The following BRDT variants were observed in gnomAD, a reference collection of about 807,000 sequenced individuals.
BRDT encodes the protein bromodomain testis associated, also known as bromodomain testis-specific protein.
BRDT carries 77 observed loss-of-function variants against 113.9 expected under a neutral mutation model. The observed-to-expected ratio is 0.68, with a 90% CI of 0.56 to 0.82. The LOEUF (loss-of-function observed/expected upper bound fraction) is 0.82, where lower values mean the gene tolerates loss of function less well. Among genes scored for constraint, BRDT ranks in the 40% least tolerant of loss-of-function variants. BRDT has a pLI of 0.00. For synonymous variants in BRDT, 358 were observed against 366.5 expected (o/e 0.98, Z 0.26); for missense variants, 1,027 against 1,105.4 (o/e 0.93, Z 1.01).
intron 14 of BRDT, among the ~76,000 whole-genome samples, 195 bp from the exon 15 acceptor site, chr1:91,993,888 T>G (rs1047501836): frequency 3.3e-5 from 5 of 152,242 alleles, no homozygotes; most frequent in Non-Finnish European, 1.5e-5. Context: ...GCCAAGTTAT[T>G]TAATGCTTTT....
intron 1 of BRDT, among the ~76,000 whole-genome samples, chr1:91,951,547 A>G (rs1466226640): frequency 2.0e-5 from 3 of 152,102 alleles, no homozygotes; most frequent in Admixed American, 1.3e-4. Context: ...CTGTAATCCC[A>G]GCACTTTGGG....
At chr1:91,986,907 A>G (rs1364960137) in intron 12 of BRDT, among the ~76,000 whole-genome samples, 1 of 151,420 alleles carries the variant, frequency 6.6e-6, no homozygotes, top group East Asian at 1.9e-4. Context: ...GTACATGACT[A>G]GAGTTTATTA....
chr1:92,013,216 T>TC (rs1553199805), intron 18 of BRDT, among the ~76,000 whole-genome samples: 4 of 46,342 alleles, frequency 8.6e-5, no homozygotes, highest in Admixed American at 5.1e-4. Context: ...ACACAATGTT[T>TC]CAAAAAAAAA....
At chr1:92,012,458 A>G (rs977647239) in intron 18 of BRDT, among the ~76,000 whole-genome samples, 3 of 152,228 alleles carry the variant, frequency 2.0e-5, no homozygotes, top group Non-Finnish European at 4.4e-5. Context: ...GTTTCATTAC[A>G]TATTCTACAA....
At chr1:92,007,498 C>T (rs1171408281) in intron 18 of BRDT, among the ~76,000 whole-genome samples, 2 of 152,200 alleles carry the variant, frequency 1.3e-5, no homozygotes, top group African/African-American at 4.8e-5. Context: ...ATTTGATTTT[C>T]TGTTCCTGCA....
intron 12 of BRDT, among the ~76,000 whole-genome samples, chr1:91,984,946 A>G (rs1685072200): frequency 1.3e-5 from 2 of 151,572 alleles, no homozygotes; most frequent in African/African-American, 4.8e-5. Context: ...GCCCATAAAT[A>G]TGATTTTTAT....
intron 15 of BRDT, among the ~76,000 whole-genome samples, chr1:91,999,269 G>T (rs1322306551): frequency 1.3e-5 from 2 of 152,138 alleles, no homozygotes; most frequent in South Asian, 4.1e-4. Flanking sequence ...CAGGATACTG[G>T]CTGGATACTG....
intron 8 of BRDT, among the ~76,000 whole-genome samples, chr1:91,980,174 A>G (rs1684577557): frequency 6.6e-6 from 1 of 152,150 alleles, no homozygotes; most frequent in South Asian, 2.1e-4. Context: ...TGGGAGTCCA[A>G]GGTGGGAGGA....
In BRDT at chr1:91,974,585, T is replaced by C. The variant is rs1236566543; in HGVS notation, c.446-1681T>C. Among the ~76,000 whole-genome samples the C allele has an allele frequency of 4.6e-5, 7 of 152,110 alleles. No homozygotes were observed. In the East Asian group the frequency reaches 1.2e-3, roughly 25 times the overall value. ...TCCAAATCAAAACCACAATGAGATA[T>C]CATCTCACACCAGTTAGAATGGCGA... On this transcript the variant is annotated intron_variant, in intron 4 of 18. Transcript: ENST00000399546.
intron 16 of BRDT, among the ~76,000 whole-genome samples, chr1:92,002,841 T>C (rs79225942): frequency 1.3e-5 from 2 of 152,322 alleles, no homozygotes; most frequent in South Asian, 2.1e-4. Flanking sequence ...TATACTGATA[T>C]CATTCTTTCA....
intron 12 of BRDT, among the ~76,000 whole-genome samples, chr1:91,982,824 T>G (rs1275339427): frequency 6.6e-6 from 1 of 152,238 alleles, no homozygotes; most frequent in Non-Finnish European, 1.5e-5. Context: ...CTAGAAAATT[T>G]AAAAATGTAG....
At chr1:91,965,611 A>T (rs1682977635) in intron 3 of BRDT, among the ~76,000 whole-genome samples, 1 of 152,132 alleles carries the variant, frequency 6.6e-6, no homozygotes, top group Non-Finnish European at 1.5e-5. Context: ...GCACTTTGGG[A>T]GGCTGAGGCG....
At chr1:91,999,169 A>G (rs1331605955) in intron 15 of BRDT, among the ~76,000 whole-genome samples, 1 of 152,142 alleles carries the variant, frequency 6.6e-6, no homozygotes, top group Non-Finnish European at 1.5e-5. Flanking sequence ...GGGGAAAGTT[A>G]AAAGAAATTG....
At chr1:92,002,773 C>G (rs922854969) in intron 16 of BRDT, among the ~76,000 whole-genome samples, 8 of 152,148 alleles carry the variant, frequency 5.3e-5, no homozygotes, top group African/African-American at 1.9e-4. Context: ...CTAGGGATAT[C>G]TAAGAAATCC....
In BRDT at chr1:91,980,873, T is replaced by G; in HGVS notation, c.1461-16T>G. ...ACAATAACGATAAGTTGGACTAAAT[T>G]TAGTTTTTGTTACAGTCAGCCAAAG... On this transcript the variant is annotated splice_polypyrimidine_tract_variant and intron_variant, in intron 9 of 18. Coordinates refer to ENST00000399546, the MANE Select transcript of BRDT (RefSeq NM_207189.4). 1 of 1,594,078 alleles carries G rather than the reference T, an allele frequency of 6.3e-7. No homozygotes were observed. The highest frequency in any genetic ancestry group is 2.2e-5 in the East Asian group (1 of 44,716).
In BRDT at chr1:92,014,230, C is replaced by T; in HGVS notation, c.2800C>T (p.Leu934Phe). Reference protein sequence around the residue: ...EAMVGTIDMTLQSDIMTMFEN... With the variant: ...EAMVGTIDMTFQSDIMTMFEN... The stretch of plus-strand genomic sequence containing the variant: ...GATGGTGGGTACCATTGATATGACC[C>T]TTCAAAGTGACATTATGACAATGTT... Residue 934 changes from leucine to phenylalanine, a missense_variant, in exon 19 of 19, where the codon CTT (leucine) becomes TTT (phenylalanine). Coordinates refer to ENST00000399546, the MANE Select transcript of BRDT (RefSeq NM_207189.4). The T allele has an allele frequency of 1.3e-6, 2 of 1,590,544 alleles. No homozygotes were observed. The highest frequency in any genetic ancestry group is 8.5e-7 in the Non-Finnish European group (1 of 1,172,976).
At chr1:91,992,628 C>T (rs1043115124) in intron 14 of BRDT, among the ~76,000 whole-genome samples, 2 of 152,112 alleles carry the variant, frequency 1.3e-5, no homozygotes, top group Non-Finnish European at 2.9e-5. Flanking sequence ...CTCTGCCTTT[C>T]GGGTTCAAGC....
chr1:91,978,079 T>C, intron 6 of BRDT, 89 bp from the exon 7 acceptor site: 2 of 1,240,302 alleles, frequency 1.6e-6, no homozygotes, highest in Non-Finnish European at 2.2e-6. Context: ...TATATTTGAA[T>C]TATTTTGTAA....
intron 12 of BRDT, 41 bp downstream of exon 12, chr1:91,981,796 C>A (rs1434629337): frequency 1.3e-6 from 2 of 1,524,064 alleles, no homozygotes; most frequent in Non-Finnish European, 1.8e-6. Context: ...GATGGGAGCA[C>A]TTTTTTTCCT....
Sources: allele counts gnomAD v4.1 joint callset (sites outside exome capture counted in the v4.1 genomes callset), GRCh38; gene constraint gnomAD v4.1.1; transcripts MANE v1.5; gene names NCBI Gene and HGNC (gene_info 2026-07-23, HGNC 2026-07-21).